The following PHKA1 variants were observed in gnomAD, a reference collection of about 807,000 sequenced individuals.
PHKA1 encodes phosphorylase b kinase regulatory subunit alpha, skeletal muscle isoform.
In PHKA1, 60 loss-of-function variants were observed where a neutral mutation model predicts 110.2. The ratio of observed to expected loss-of-function variants is 0.54; its 90% confidence interval spans 0.44 to 0.68. PHKA1 has a LOEUF of 0.68. Ranked by LOEUF, PHKA1 falls within the 30% of genes least tolerant of loss-of-function variation. The pLI is 0.00. For missense variants in PHKA1, 801 were observed against 942.5 expected, an observed-to-expected ratio of 0.85 and a Z score of 1.97; for synonymous variants, 316 against 333.6, an observed-to-expected ratio of 0.95 and a Z score of 0.58.
At chrX:72,710,413 A>G (rs2054354400) in intron 2 of PHKA1, among the ~76,000 whole-genome samples, 1 of 112,135 alleles carries the variant, frequency 8.9e-6, no homozygotes, top group African/African-American at 3.2e-5. Context: ...ACATATACTG[A>G]GGGATGACTG....
At chrX:72,625,904 G>C (rs782216763) in intron 17 of PHKA1, among the ~76,000 whole-genome samples, 175 of 111,450 alleles carry the variant, frequency 1.6e-3, no homozygotes, top group Non-Finnish European at 3.0e-3. Context: ...GGCTTCAAGT[G>C]ATCTGCCCCC....
intron 21 of PHKA1, among the ~76,000 whole-genome samples, chrX:72,616,683 C>A (rs782122631): frequency 3.6e-5 from 4 of 111,714 alleles, no homozygotes; most frequent in Admixed American, 9.5e-5. Context: ...AACATTCCAT[C>A]CAAAAGCTAC....
intron 22 of PHKA1, among the ~76,000 whole-genome samples, 161 bp from the exon 23 acceptor site, chrX:72,609,864 G>C (rs782328968): frequency 8.9e-6 from 1 of 111,800 alleles, no homozygotes; most frequent in East Asian, 2.8e-4. Flanking sequence ...AGGATTTCTA[G>C]GAAGAAACAA....
In PHKA1 at chrX:72,673,901, C is replaced by A. The variant is rs781988947; in HGVS notation, c.618+2169G>T. On this transcript the variant is annotated intron_variant, in intron 6 of 31. Transcript: ENST00000373542. ...ACATGTGCCATATTGGTGTGCTGCACACATTAACTCGTCATTTAACATTAG... is the reference window on the plus strand; with the variant it reads ...ACATGTGCCATATTGGTGTGCTGCAAACATTAACTCGTCATTTAACATTAG... Among the ~76,000 whole-genome samples, 4 of 107,903 alleles carry A rather than the reference C, an allele frequency of 3.7e-5. No individual in the cohort carries two copies. The South Asian group carries it at 1.7e-3, about 46-fold the overall frequency. The allele number at this position is 107,903 out of a possible 115,157, so 93.7% of individuals were successfully genotyped here.
intron 2 of PHKA1, among the ~76,000 whole-genome samples, chrX:72,710,829 TTTA>T (rs2054362651): frequency 5.6e-4 from 59 of 105,621 alleles, no homozygotes; most frequent in African/African-American, 1.8e-3. Context: ...TTTTTTATTT[TTTA>T]TTTTTTTATT....
intron 16 of PHKA1, among the ~76,000 whole-genome samples, chrX:72,634,112 G>C (rs1215255240): frequency 1.8e-5 from 2 of 111,964 alleles, no homozygotes; most frequent in Non-Finnish European, 3.8e-5. Context: ...CTGACCTAAT[G>C]GTTTAGTAAT....
intron 20 of PHKA1, 40 bp from the exon 21 acceptor site, chrX:72,618,889 A>G (rs1556273015): frequency 2.6e-6 from 3 of 1,144,933 alleles, no homozygotes; most frequent in Non-Finnish European, 3.6e-6. Context: ...TAAGTTCACA[A>G]GTGCTCAACT....
intron 3 of PHKA1, among the ~76,000 whole-genome samples, chrX:72,698,696 T>C (rs1272061748): frequency 1.8e-5 from 2 of 112,778 alleles, no homozygotes; most frequent in Non-Finnish European, 3.7e-5. Flanking sequence ...CTTGTGGCTT[T>C]AGGCAGTATG....
At chrX:72,685,560 T>C (rs1339675329) in intron 4 of PHKA1, among the ~76,000 whole-genome samples, 1 of 112,155 alleles carries the variant, frequency 8.9e-6, no homozygotes, top group Non-Finnish European at 1.9e-5. Flanking sequence ...AGGATATATT[T>C]CATAAAATTT....
chrX:72,702,382 G>A (rs781811538), intron 3 of PHKA1, among the ~76,000 whole-genome samples: 211 of 109,312 alleles, frequency 1.9e-3, no homozygotes, highest in African/African-American at 6.7e-3. Flanking sequence ...CCCGGGAGGC[G>A]GAGGTTGCAG....
intron 4 of PHKA1, among the ~76,000 whole-genome samples, chrX:72,684,791 A>G (rs1430493220): frequency 9.0e-6 from 1 of 111,565 alleles, no homozygotes; most frequent in Non-Finnish European, 1.9e-5. Context: ...GCATATTTCA[A>G]CATGGAAGAA....
At chrX:72,676,205 T>C (rs1556311752) in intron 5 of PHKA1, 55 bp from the exon 6 acceptor site, 10 of 907,172 alleles carry the variant, frequency 1.1e-5, no homozygotes, top group Non-Finnish European at 1.4e-5. Flanking sequence ...AAATACTTCC[T>C]AGATGCAGGA....
At chrX:72,698,252 T>G (rs2054156467) in intron 3 of PHKA1, among the ~76,000 whole-genome samples, 1 of 111,381 alleles carries the variant, frequency 9.0e-6, no homozygotes, top group Admixed American at 9.5e-5. Context: ...TATATGTAAT[T>G]ATGTGTTGTG....
Position 72,636,400 on chromosome X carries a change from G to A in PHKA1, c.1460-14C>T. 2 of 1,001,208 alleles carry A rather than the reference G, an allele frequency of 2.0e-6. No individual in the cohort carries two copies. Among genetic ancestry groups the A allele is most frequent in the Non-Finnish European group, 2.8e-6 (2 of 703,493 alleles). The allele number at this position is 1,001,208 out of a possible 1,213,427, so 82.5% of individuals were successfully genotyped here. A position where few individuals can be genotyped will look rare whatever the true frequency, so the allele number is the denominator to read the frequency against. On this transcript the variant is annotated splice_polypyrimidine_tract_variant and intron_variant, in intron 14 of 31. Coordinates refer to ENST00000373542, the MANE Select transcript of PHKA1 (RefSeq NM_002637.4). ...TATTGTTGCATCCTGATACAGAATTGAGAAATGGTAAAAATATTTCTAGAG... is the reference window on the plus strand; with the variant it reads ...TATTGTTGCATCCTGATACAGAATTAAGAAATGGTAAAAATATTTCTAGAG...
At chrX:72,676,003 T>C in intron 6 of PHKA1, 67 bp downstream of exon 6, 2 of 806,762 alleles carry the variant, frequency 2.5e-6, no homozygotes, top group Non-Finnish European at 3.8e-6. Flanking sequence ...CATTAAGTTT[T>C]ATCTGTGACA....
Position 72,581,092 on chromosome X carries a change from A to G in PHKA1, c.3582T>C (p.Ser1194=), listed in dbSNP as rs782001289. Residue 1194 remains serine, a synonymous_variant, in exon 32 of 32, where the codon AGT becomes AGC. Coordinates refer to ENST00000373542, the MANE Select transcript of PHKA1 (RefSeq NM_002637.4). ...GGTAGGTCATGGTGCCAAACCTGCC[A>G]CTGGGTGCACTGTCATACAGAAGAG... ...ICTLLYDSAP[S]GRFGTMTYLS... The G allele has an allele frequency of 8.4e-7, 1 of 1,197,348 alleles. No homozygotes were observed. Among genetic ancestry groups the G allele is most frequent in the African/African-American group, 1.7e-5 (1 of 57,524 alleles).
chrX:72,621,732 A>T (rs1465288050), intron 18 of PHKA1: 1 of 733,286 alleles, frequency 1.4e-6, no homozygotes, highest in Non-Finnish European at 1.6e-6. Flanking sequence ...ATATTCAGTG[A>T]CATCCTAATG....
intron 8 of PHKA1, among the ~76,000 whole-genome samples, chrX:72,659,442 T>C (rs1483232507): frequency 9.0e-6 from 1 of 111,253 alleles, no homozygotes; most frequent in Non-Finnish European, 1.9e-5. Context: ...ACACTAGGTG[T>C]ACTCATTGCC....
chrX:72,647,255 A>T, intron 13 of PHKA1, among the ~76,000 whole-genome samples: 1 of 112,246 alleles, frequency 8.9e-6, no homozygotes, highest in East Asian at 2.8e-4. Flanking sequence ...TAAAGCAGCC[A>T]GAACTTGTTA....
Sources: allele counts gnomAD v4.1 joint callset (sites outside exome capture counted in the v4.1 genomes callset), GRCh38; gene constraint gnomAD v4.1.1; transcripts MANE v1.5; gene names NCBI Gene and HGNC (gene_info 2026-07-23, HGNC 2026-07-21).